MAGI1: variants seen among roughly 807,000 people sequenced by gnomAD.
The protein encoded by MAGI1 is membrane associated guanylate kinase, WW and PDZ domain containing 1.
MAGI1 carries 58 observed loss-of-function variants against 139.9 expected under a neutral mutation model. That is an observed-to-expected ratio of 0.41 (90% CI 0.34 to 0.52). MAGI1 has a LOEUF of 0.52. MAGI1 is among the 20% of genes least tolerant of loss of function. The pLI is 0.12. For synonymous variants in MAGI1, 812 were observed against 737.9 expected (o/e 1.10, Z -1.63); for missense variants, 1,874 against 1,901.6 (o/e 0.99, Z 0.27).
chr3:65,581,071 T>C (rs573176390), intron 2 of MAGI1, among the ~76,000 whole-genome samples: 10 of 152,222 alleles, frequency 6.6e-5, no homozygotes, highest in African/African-American at 2.4e-4. Flanking sequence ...CAAAAATATC[T>C]ACACACCCTG....
chr3:65,444,181 T>C (rs974989585), intron 7 of MAGI1, among the ~76,000 whole-genome samples: 1 of 152,162 alleles, frequency 6.6e-6, no homozygotes, highest in African/African-American at 2.4e-5. Context: ...CTTTGACTTG[T>C]AGGAGACATA....
intron 1 of MAGI1, among the ~76,000 whole-genome samples, chr3:65,823,941 C>G (rs1364449634): frequency 6.6e-6 from 1 of 152,148 alleles, no homozygotes; most frequent in Non-Finnish European, 1.5e-5. Flanking sequence ...CTTGGTTCTG[C>G]CACTTACCAG....
intron 1 of MAGI1, chr3:65,873,513 C>G (rs1404524777): frequency 6.6e-6 from 1 of 152,140 alleles, no homozygotes; most frequent in African/African-American, 2.4e-5. Context: ...CTTCATGCCT[C>G]TAAGATGTTT....
chr3:65,981,795 A>G (rs2065595940), intron 1 of MAGI1, among the ~76,000 whole-genome samples: 1 of 152,082 alleles, frequency 6.6e-6, no homozygotes, highest in Non-Finnish European at 1.5e-5. Flanking sequence ...GCCATGTAAG[A>G]CATGTCTTTT....
intron 1 of MAGI1, among the ~76,000 whole-genome samples, chr3:65,908,179 C>T (rs1361860419): frequency 2.0e-5 from 3 of 152,124 alleles, no homozygotes; most frequent in Non-Finnish European, 4.4e-5. Context: ...TCACATACAC[C>T]ACACAATAAG....
chr3:65,854,176 TAAAA>T (rs34812640), intron 1 of MAGI1, among the ~76,000 whole-genome samples: 1 of 139,244 alleles, frequency 7.2e-6, no homozygotes, highest in South Asian at 2.3e-4. Flanking sequence ...TTTAAAGGTT[TAAAA>T]AAAAAAAAAA....
intron 1 of MAGI1, among the ~76,000 whole-genome samples, chr3:65,893,200 T>A (rs2060835029): frequency 6.6e-6 from 1 of 152,116 alleles, no homozygotes; most frequent in Admixed American, 6.5e-5. Context: ...TCTTCTCTAC[T>A]GATGTCCTCT....
chr3:65,910,707 C>G (rs1367371642), intron 1 of MAGI1, among the ~76,000 whole-genome samples: 2 of 152,028 alleles, frequency 1.3e-5, no homozygotes, highest in Middle Eastern at 3.2e-3. Flanking sequence ...CAGTAGCTTC[C>G]TATCACTTTC....
intron 1 of MAGI1, among the ~76,000 whole-genome samples, chr3:65,763,833 G>A (rs2037242194): frequency 6.6e-6 from 1 of 152,010 alleles, no homozygotes; most frequent in Non-Finnish European, 1.5e-5. Flanking sequence ...CACTTTGGGA[G>A]GCTGAGGCGG....
chr3:66,037,906 A>G, intron 1 of MAGI1, 90 bp downstream of exon 1: 1 of 1,507,984 alleles, frequency 6.6e-7, no homozygotes, highest in South Asian at 1.3e-5. Flanking sequence ...CTGCGCTCCG[A>G]GGAGGGAAGC....
chr3:65,675,687 A>G (rs1384026642), intron 1 of MAGI1, among the ~76,000 whole-genome samples: 1 of 152,218 alleles, frequency 6.6e-6, no homozygotes, highest in African/African-American at 2.4e-5. Context: ...ATGTACCTCT[A>G]GTTTATGAAT....
intron 1 of MAGI1, among the ~76,000 whole-genome samples, chr3:66,023,534 C>CA (rs1258883738): frequency 2.0e-5 from 3 of 151,710 alleles, no homozygotes; most frequent in Admixed American, 6.6e-5. Context: ...CACTGGTTTG[C>CA]AAAAAACAAA....
At chr3:65,758,758 T>C (rs148217055) in intron 1 of MAGI1, among the ~76,000 whole-genome samples, 1 of 152,074 alleles carries the variant, frequency 6.6e-6, no homozygotes, top group Non-Finnish European at 1.5e-5. Flanking sequence ...GTTGAGAAAC[T>C]GTGAGAAATC....
At chr3:65,594,389 A>G (rs1008732844) in intron 2 of MAGI1, among the ~76,000 whole-genome samples, 3 of 152,232 alleles carry the variant, frequency 2.0e-5, no homozygotes, top group African/African-American at 7.2e-5. Flanking sequence ...CTGAAGGCCA[A>G]CAGTAGCAGA....
chr3:65,455,826 C>G (rs1949352486), intron 5 of MAGI1, among the ~76,000 whole-genome samples: 1 of 152,316 alleles, frequency 6.6e-6, no homozygotes, highest in South Asian at 2.1e-4. Context: ...CTTTTCCCCT[C>G]AGCATAATTC....
rs567952569 is a variant in MAGI1, at chr3:65,640,363, T to G, written c.314-18275A>C. Among the ~76,000 whole-genome samples the G allele has an allele frequency of 4.6e-5, 7 of 152,290 alleles. No individual in the cohort carries two copies. In the East Asian group the frequency reaches 1.2e-3, roughly 25 times the overall value. ...GAATGTCTAATACATCGGCTCTAAT[T>G]CACATATGTATAAATGAATAAGTTG... On this transcript the variant is annotated intron_variant, in intron 1 of 22. Transcript: ENST00000402939.
intron 21 of MAGI1, 118 bp from the exon 22 acceptor site, chr3:65,361,455 C>G (rs1337579865): frequency 1.1e-6 from 1 of 914,292 alleles, no homozygotes; most frequent in African/African-American, 1.7e-5. Flanking sequence ...CAAAAACAAA[C>G]AGAAATCCCT....
chr3:65,458,392 G>T (rs1009333167), intron 5 of MAGI1, among the ~76,000 whole-genome samples: 2 of 150,226 alleles, frequency 1.3e-5, no homozygotes, highest in Non-Finnish European at 3.0e-5. Context: ...CCCCCAAACC[G>T]TTTCCCATAG....
intron 1 of MAGI1, among the ~76,000 whole-genome samples, chr3:65,812,201 T>C (rs2041287874): frequency 6.6e-6 from 1 of 152,016 alleles, no homozygotes. Context: ...AAAAGAATAA[T>C]ATACCACCAA....
Sources: allele counts gnomAD v4.1 joint callset (sites outside exome capture counted in the v4.1 genomes callset), GRCh38; gene constraint gnomAD v4.1.1; transcripts MANE v1.5; gene names NCBI Gene and HGNC (gene_info 2026-07-23, HGNC 2026-07-21).